CNTN5: variants seen among roughly 807,000 people sequenced by gnomAD.
CNTN5 encodes contactin-5.
In CNTN5, 77 loss-of-function variants were observed where a neutral mutation model predicts 129.1. The observed-to-expected ratio is 0.60, with a 90% CI of 0.50 to 0.72. CNTN5 has a LOEUF of 0.72. CNTN5 is among the 30% of genes least tolerant of loss of function. The pLI is 0.00. For synonymous variants in CNTN5, 509 were observed against 465.6 expected (o/e 1.09, Z -1.20); for missense variants, 1,478 against 1,328.8 (o/e 1.11, Z -1.75).
intron 3 of CNTN5, among the ~76,000 whole-genome samples, chr11:99,801,810 T>C (rs1565548167): frequency 6.6e-6 from 1 of 152,340 alleles, no homozygotes; most frequent in South Asian, 2.1e-4. Context: ...ATCTCTTCCT[T>C]CTATTCCTGT....
chr11:99,466,249 A>G (rs113172085), intron 2 of CNTN5, among the ~76,000 whole-genome samples: 14 of 152,048 alleles, frequency 9.2e-5, no homozygotes, highest in Non-Finnish European at 5.9e-5. Context: ...CAAGGGGGAA[A>G]TCTTTCCTCA....
intron 3 of CNTN5, among the ~76,000 whole-genome samples, chr11:99,733,179 C>T (rs532701357): frequency 2.6e-5 from 4 of 152,006 alleles, no homozygotes; most frequent in South Asian, 4.2e-4. Context: ...CAAAAAAAGC[C>T]GAGCATGGTG....
At chr11:99,615,958 A>G (rs1950747406) in intron 3 of CNTN5, among the ~76,000 whole-genome samples, 1 of 151,264 alleles carries the variant, frequency 6.6e-6, no homozygotes, top group African/African-American at 2.4e-5. Flanking sequence ...CTGGTCTTCA[A>G]CTCCTGGGCT....
intron 1 of CNTN5, among the ~76,000 whole-genome samples, chr11:99,259,112 T>C (rs550232452): frequency 6.6e-6 from 1 of 152,028 alleles, no homozygotes; most frequent in African/African-American, 2.4e-5. Flanking sequence ...ACACACATAA[T>C]ACATGCAAAT....
At chr11:100,050,828 G>C (rs1192921637) in intron 9 of CNTN5, among the ~76,000 whole-genome samples, 1 of 152,000 alleles carries the variant, frequency 6.6e-6, no homozygotes, top group South Asian at 2.1e-4. Context: ...AGCACAGAGT[G>C]TTGCCTAAGA....
At chr11:100,339,459 T>C (rs1204501975) in intron 21 of CNTN5, among the ~76,000 whole-genome samples, 3 of 151,924 alleles carry the variant, frequency 2.0e-5, no homozygotes, top group Non-Finnish European at 4.4e-5. Context: ...TGACTGATAG[T>C]GGGATGTTTC....
At chr11:100,340,178 T>C (rs1161240611) in intron 21 of CNTN5, among the ~76,000 whole-genome samples, 1 of 152,208 alleles carries the variant, frequency 6.6e-6, no homozygotes, top group East Asian at 1.9e-4. Context: ...TCTTCTTTAA[T>C]GTCAGGATGC....
chr11:99,145,251 A>G (rs749867362), intron 1 of CNTN5, among the ~76,000 whole-genome samples: 28 of 151,834 alleles, frequency 1.8e-4, no homozygotes, highest in Admixed American at 2.0e-4. Flanking sequence ...TGTATTTTTA[A>G]TAGAGATCAG....
At chr11:99,282,718 C>T (rs1473483801) in intron 1 of CNTN5, among the ~76,000 whole-genome samples, 1 of 152,022 alleles carries the variant, frequency 6.6e-6, no homozygotes, top group Non-Finnish European at 1.5e-5. Context: ...ATGATTTCAG[C>T]TGCTAGTAAA....
chr11:99,822,211 T>C (rs1056737237), intron 4 of CNTN5, among the ~76,000 whole-genome samples: 2 of 152,146 alleles, frequency 1.3e-5, no homozygotes, highest in African/African-American at 4.8e-5. Flanking sequence ...ATGAAAAATA[T>C]AAAGACTCAG....
chr11:99,381,450 G>A (rs1224539751), intron 2 of CNTN5, among the ~76,000 whole-genome samples: 1 of 152,092 alleles, frequency 6.6e-6, no homozygotes, highest in East Asian at 1.9e-4. Context: ...AATGCAATTG[G>A]CATTGAACTT....
At chr11:99,664,193 C>T (rs73551447) in intron 3 of CNTN5, among the ~76,000 whole-genome samples, 4,057 of 152,152 alleles carry the variant, frequency 0.027, 193 homozygotes, top group African/African-American at 0.092. Context: ...ACAAATGGCT[C>T]CAGGAGTTTT....
At chr11:99,981,094 A>ATATATATATATATATATATG (rs1364632953) in intron 8 of CNTN5, among the ~76,000 whole-genome samples, 2 of 81,234 alleles carry the variant, frequency 2.5e-5, no homozygotes, top group East Asian at 4.3e-4. Flanking sequence ...ATATATATAT[A>ATATATATATATATATATATG]TATATATATA....
rs557875396 is a variant in CNTN5, at chr11:99,027,695, C to T, written c.-210+6425C>T. 3.0e-4 allele frequency among the ~76,000 whole-genome samples: 45 copies of T among 151,560 alleles called. No individual in the cohort carries two copies. In the South Asian group the frequency reaches 9.1e-3, roughly 31 times the overall value. On this transcript the variant is annotated intron_variant, in intron 1 of 24. Coordinates refer to ENST00000524871, the MANE Select transcript of CNTN5 (RefSeq NM_014361.4). Reference sequence around the variant, plus strand: ...TGAATATGATAAAACATAAAATTACCATAGTGCAATTGAGTGGAAGGCAGT... The same window carrying T: ...TGAATATGATAAAACATAAAATTACTATAGTGCAATTGAGTGGAAGGCAGT...
chr11:99,922,601 T>G (rs1384594369), intron 7 of CNTN5, among the ~76,000 whole-genome samples: 1 of 152,226 alleles, frequency 6.6e-6, no homozygotes. Context: ...GATGCTTGAT[T>G]GCATTTTGTT....
intron 1 of CNTN5, among the ~76,000 whole-genome samples, chr11:99,218,244 C>T (rs1280177157): frequency 6.6e-6 from 1 of 152,100 alleles, no homozygotes; most frequent in East Asian, 1.9e-4. Flanking sequence ...TTTCCTTTGA[C>T]TTAATGTGTT....
intron 1 of CNTN5, among the ~76,000 whole-genome samples, chr11:99,150,095 C>T (rs969065861): frequency 1.3e-5 from 2 of 151,898 alleles, no homozygotes; most frequent in Admixed American, 6.6e-5. Context: ...TAAATGTAAC[C>T]TTATTAAAAA....
chr11:99,081,787 A>G (rs10892755), intron 1 of CNTN5, among the ~76,000 whole-genome samples: 58,912 of 152,000 alleles, frequency 0.39, 11,705 homozygotes, highest in East Asian at 0.55. Flanking sequence ...ATCACATTGA[A>G]TATTTTGTTA....
intron 2 of CNTN5, among the ~76,000 whole-genome samples, chr11:99,339,912 GA>G (rs146793097): frequency 1.2e-4 from 18 of 149,498 alleles, no homozygotes; most frequent in East Asian, 3.9e-4. Flanking sequence ...TCATTTTTTA[GA>G]AAAAAAAAAT....
Sources: gnomAD v4.1 joint callset for allele counts (sites outside exome capture counted in the v4.1 genomes callset) on GRCh38, gnomAD v4.1.1 for gene constraint, MANE v1.5 for transcripts, NCBI Gene and HGNC (gene_info 2026-07-23, HGNC 2026-07-21) for gene names.